SHROOM1: variants seen among roughly 807,000 people sequenced by gnomAD.
SHROOM1 encodes protein Shroom1.
In SHROOM1, 53 loss-of-function variants were observed where a neutral mutation model predicts 64.2. The ratio of observed to expected loss-of-function variants is 0.83; its 90% CI spans 0.66 to 1.04. The LOEUF (loss-of-function observed/expected upper bound fraction) is 1.04. Ranked by LOEUF, SHROOM1 falls within the 50% of genes least tolerant of loss-of-function variation. The pLI, the probability that SHROOM1 is intolerant of heterozygous loss-of-function variation, is 0.00. For missense variants in SHROOM1, 1,179 were observed against 1,163.2 expected (o/e 1.01, Z -0.20); for synonymous variants, 490 against 518.9 (o/e 0.94, Z 0.76).
intron 1 of SHROOM1, among the ~76,000 whole-genome samples, chr5:132,829,418 G>A (rs980974025): frequency 6.6e-6 from 1 of 152,184 alleles, no homozygotes; most frequent in Non-Finnish European, 1.5e-5. Context: ...GAGTTCAGCA[G>A]GGGAGGGTAG....
At position 132,823,591 on chromosome 5, in the gene SHROOM1, C is replaced by T. The variant is rs957959862; in HGVS notation, c.1953+32G>A. 1 of 1,568,634 alleles carries T rather than the reference C, an allele frequency of 6.4e-7. No individual in the cohort carries two copies. Among genetic ancestry groups the T allele is most frequent in the Non-Finnish European group, 8.7e-7 (1 of 1,154,440 alleles). ...TGCCCAGGCTCTGGGCTCCTACCCA[C>T]CCCCAGCCTCCACCAGCCCTTCTCC... On this transcript the variant is annotated intron_variant, in intron 8 of 9. Coordinates refer to ENST00000378679, the MANE Select transcript of SHROOM1 (RefSeq NM_001172700.2). This position sits in a 1 kb window ranked among gnomAD's most constrained non-coding sequence, Gnocchi z 4.6.
chr5:132,829,211 T>A (rs1427799311), intron 1 of SHROOM1, among the ~76,000 whole-genome samples: 1 of 152,220 alleles, frequency 6.6e-6, no homozygotes, highest in Non-Finnish European at 1.5e-5. Context: ...TGATGTATAC[T>A]TGTCACCTGA....
rs748737882 is a variant in SHROOM1 at position 132,823,633 on chromosome 5, T to C, written c.1943A>G (p.Gln648Arg). ...CCCTTCTCCACTCACTTTCTTGCCC[T>C]GGATGCTGTTGTTTGGTGCAGGGAG... is the stretch of plus-strand genomic sequence containing the variant. Reference protein sequence around the residue: ...QGLPAPNNSIQGKKVELAARL... With the variant: ...QGLPAPNNSIRGKKVELAARL... Residue 648 changes from glutamine (Q) to arginine (R), a missense_variant, in exon 8 of 10, where the codon CAG (glutamine) becomes CGG (arginine). Gln to Arg is a conservative substitution (Grantham distance 43, BLOSUM62 1). Transcript: ENST00000378679. This position sits in a 1 kb window ranked among gnomAD's most constrained non-coding sequence, Gnocchi z 4.6. 6.3e-7 allele frequency: 1 copy of C among 1,593,804 alleles called. No homozygotes were observed. The highest frequency in any genetic ancestry group is 2.2e-5 in the East Asian group (1 of 44,608).
Position 132,825,044 on chromosome 5 carries a change from T to A in SHROOM1, c.1008A>T (p.Arg336Ser). The part of the protein sequence containing the change: ...QAVPQGAETP[R>S]PLFQTKLSRF... ...TGGAAAGTTTGGTCTGAAACAATGG[T>A]CTGGGGGTTTCTGCTCCTTGGGGAA... The change falls in exon 5 of 10, where the codon AGA becomes AGT. Residue 336 changes from arginine to serine, a missense_variant. Physicochemically the swap from Arg to Ser is moderately radical, Grantham distance 110. Coordinates refer to ENST00000378679, the MANE Select transcript of SHROOM1 (RefSeq NM_001172700.2). The surrounding 1 kb of genome is among the most constrained non-coding windows in gnomAD (Gnocchi z 5.1). 6.2e-7 allele frequency: 1 copy of A among 1,614,030 alleles called. No homozygotes were observed. Among genetic ancestry groups the A allele is most frequent in the Non-Finnish European group, 8.5e-7 (1 of 1,180,000 alleles).
chr5:132,830,313 G>GCGCGCCCAGC lies in SHROOM1; in HGVS notation c.-501+271_-501+280dup. On this transcript the variant is annotated intron_variant, in intron 1 of 9. Transcript: ENST00000378679. This position sits in a 1 kb window ranked among gnomAD's most constrained non-coding sequence, Gnocchi z 5.9. ...GCGCTGCCCGCCGGCGCCACACGCG[G>GCGCGCCCAGC]CGCGCCCAGCCGCGCCCCTGAGCCG... 1.0e-6 allele frequency: 1 copy of GCGCGCCCAGC among 985,076 alleles called. No homozygotes were observed. The highest frequency in any genetic ancestry group is 1.2e-6 in the Non-Finnish European group (1 of 829,806). 61.0% of individuals were successfully genotyped at this position (985,076 alleles called of 1,614,324 possible). A position where few individuals can be genotyped will look rare whatever the true frequency, so the allele number is the denominator to read the frequency against.
At chr5:132,829,505 A>T (rs1758789274) in intron 1 of SHROOM1, 1 of 890,990 alleles carries the variant, frequency 1.1e-6, no homozygotes, top group Admixed American at 6.2e-5. Flanking sequence ...ATAAAATCAC[A>T]CCAAGGCAAT....
intron 3 of SHROOM1, 41 bp from the exon 4 acceptor site, chr5:132,826,223 G>T (rs981137434): frequency 5.8e-5 from 73 of 1,266,690 alleles, no homozygotes; most frequent in Non-Finnish European, 6.9e-5. Context: ...GGAGCTCCGG[G>T]TGAGGGCTGG....
rs1258647772 is a variant in SHROOM1, at chr5:132,824,290, C to G, written c.1371G>C (p.Val457=). The G allele has an allele frequency of 6.2e-7, 1 of 1,613,704 alleles. No homozygotes were observed. Among genetic ancestry groups the G allele is most frequent in the East Asian group, 2.2e-5 (1 of 44,884 alleles). The change falls in exon 7 of 10, where the codon GTG becomes GTC. Residue 457 remains valine (V), a synonymous_variant. Transcript: ENST00000378679. The part of the protein sequence containing the change: ...TAGADDCWQG[V]NGSVGISRPT... ...GCCTGGAAATACCTACAGAACCATT[C>G]ACCCCCTGCCAGCAGTCATCTGCCC...
At position 132,822,963 on chromosome 5, in the gene SHROOM1, C is replaced by T; in HGVS notation, c.2392G>A (p.Ala798Thr). The change falls in exon 10 of 10, where the codon GCC becomes ACC. Residue 798 changes from alanine (A) to threonine (T), a missense_variant. Coordinates refer to ENST00000378679, the MANE Select transcript of SHROOM1 (RefSeq NM_001172700.2). Reference protein sequence around the residue: ...VYCALLAGKAAVLAQQRNLDE... With the variant: ...VYCALLAGKATVLAQQRNLDE... ...AGGTTGCGCTGCTGGGCCAGGACGGCGGCCTTGCCCGCCAGCAGGGCGCAA... is the reference window on the plus strand; with the variant it reads ...AGGTTGCGCTGCTGGGCCAGGACGGTGGCCTTGCCCGCCAGCAGGGCGCAA... The T allele has an allele frequency of 4.3e-6, 7 of 1,610,402 alleles. No individual in the cohort carries two copies. The highest frequency in any genetic ancestry group is 5.9e-6 in the Non-Finnish European group (7 of 1,179,784).
In SHROOM1 at chr5:132,824,070, G is replaced by T. The variant is rs749779709; in HGVS notation, c.1591C>A (p.Pro531Thr). ...CTAGGCCATGTGGGCCTGGAACCAG[G>T]CTGGCCAGTGCCCCTGGCTAGGGCA... ...NTALARGTGQ[P>T]GSRPTWPSQC... Residue 531 changes from proline to threonine, a missense_variant, in exon 7 of 10, where the codon CCT (proline) becomes ACT (threonine). Coordinates refer to ENST00000378679, the MANE Select transcript of SHROOM1 (RefSeq NM_001172700.2). 3.1e-6 allele frequency: 5 copies of T among 1,612,980 alleles called. No homozygotes were observed. In the East Asian group the frequency reaches 6.7e-5, roughly 22 times the overall value.
Position 132,825,070 on chromosome 5 carries a change from C to G in SHROOM1, c.982G>C (p.Val328Leu). The G allele has an allele frequency of 6.2e-7, 1 of 1,614,096 alleles. No homozygotes were observed. Among genetic ancestry groups the G allele is most frequent in the Non-Finnish European group, 8.5e-7 (1 of 1,180,012 alleles). Residue 328 changes from valine to leucine, a missense_variant, in exon 5 of 10, where the codon GTT (valine) becomes CTT (leucine). By Grantham distance (32) the Val-to-Leu change is conservative. Coordinates refer to ENST00000378679, the MANE Select transcript of SHROOM1 (RefSeq NM_001172700.2). This position sits in a 1 kb window ranked among gnomAD's most constrained non-coding sequence, Gnocchi z 5.1. ...SGGTIPIVQA[V>L]PQGAETPRPL... ...CTGGGGGTTTCTGCTCCTTGGGGAACAGCCTGGAAGGGTGAACAGTCGACT... is the reference window on the plus strand; with the variant it reads ...CTGGGGGTTTCTGCTCCTTGGGGAAGAGCCTGGAAGGGTGAACAGTCGACT...
In SHROOM1 at chr5:132,826,022, G is replaced by T; in HGVS notation, c.119C>A (p.Ser40Tyr). Reference sequence around the variant, plus strand: ...CTGCGTGCGCGGCTCGGGGCCGCCGGAGGCTGCGGAGAAAGAGCTGTAGGC... The same window carrying T: ...CTGCGTGCGCGGCTCGGGGCCGCCGTAGGCTGCGGAGAAAGAGCTGTAGGC... ...DSAYSSFSAASGGPEPRTQSP... is the reference protein window; with the variant it reads ...DSAYSSFSAAYGGPEPRTQSP... The change falls in exon 4 of 10, where the codon TCC becomes TAC. Residue 40 changes from serine to tyrosine, a missense_variant. Ser to Tyr is a moderately radical substitution (Grantham distance 144, BLOSUM62 -2). Coordinates refer to ENST00000378679, the MANE Select transcript of SHROOM1 (RefSeq NM_001172700.2). 6.5e-7 allele frequency: 1 copy of T among 1,533,002 alleles called. No individual in the cohort carries two copies. Among genetic ancestry groups the T allele is most frequent in the East Asian group, 2.6e-5 (1 of 38,536 alleles). The allele number at this position is 1,533,002 out of a possible 1,614,324, so 95.0% of individuals were successfully genotyped here. A position where few individuals can be genotyped will look rare whatever the true frequency, so the allele number is the denominator to read the frequency against.
At chr5:132,829,951 T>A in intron 1 of SHROOM1, 1 of 985,392 alleles carries the variant, frequency 1.0e-6, no homozygotes, top group Non-Finnish European at 1.2e-6. Flanking sequence ...AGACCCGAGC[T>A]CCGTGCCATG....
At chr5:132,824,562 A>G in intron 6 of SHROOM1, 53 bp downstream of exon 6, 1 of 1,562,952 alleles carries the variant, frequency 6.4e-7, no homozygotes, top group South Asian at 1.2e-5. Context: ...AGCGTTTTGT[A>G]GATGTGTGTG....
In SHROOM1 at chr5:132,822,781, C is replaced by A; in HGVS notation, c.*15G>T. 6.4e-7 allele frequency: 1 copy of A among 1,571,208 alleles called. No individual in the cohort carries two copies. The highest frequency in any genetic ancestry group is 8.6e-7 in the Non-Finnish European group (1 of 1,158,154). Reference sequence around the variant, plus strand: ...GAGAGATAGGGGCGGTGCACCCCACCCTCTCCACCTATAACTATGTAAGGA... The same window carrying A: ...GAGAGATAGGGGCGGTGCACCCCACACTCTCCACCTATAACTATGTAAGGA... On this transcript the variant is annotated 3_prime_UTR_variant, in exon 10 of 10. Coordinates refer to ENST00000378679, the MANE Select transcript of SHROOM1 (RefSeq NM_001172700.2).
At chr5:132,826,844 G>A (rs1047243488) in intron 2 of SHROOM1, among the ~76,000 whole-genome samples, 14 of 152,222 alleles carry the variant, frequency 9.2e-5, no homozygotes, top group Non-Finnish European at 1.8e-4. Context: ...CGTGGCAGAA[G>A]CCTGCCTGGA....
In SHROOM1 at chr5:132,824,998, G is replaced by C. The variant is rs1488529016; in HGVS notation, c.1034+20C>G. ...AGCTGCTTCCCCCCAACTTGGTCCA[G>C]AGTGGTCCGTGTCTCTCACCTGGAA... On this transcript the variant is annotated intron_variant, in intron 5 of 9. Coordinates refer to ENST00000378679, the MANE Select transcript of SHROOM1 (RefSeq NM_001172700.2). The C allele has an allele frequency of 4.3e-6, 7 of 1,613,862 alleles. No homozygotes were observed. Among genetic ancestry groups the C allele is most frequent in the Admixed American group, 3.3e-5 (2 of 59,982 alleles).
chr5:132,825,086 A>G lies in SHROOM1; in HGVS notation c.979-13T>C. 6.2e-7 allele frequency: 1 copy of G among 1,614,028 alleles called. No homozygotes were observed. Among genetic ancestry groups the G allele is most frequent in the Non-Finnish European group, 8.5e-7 (1 of 1,180,004 alleles). On this transcript the variant is annotated splice_polypyrimidine_tract_variant and intron_variant, in intron 4 of 9. Transcript: ENST00000378679. The surrounding 1 kb of genome is among the most constrained non-coding windows in gnomAD (Gnocchi z 5.1). ...CTTGGGGAACAGCCTGGAAGGGTGA[A>G]CAGTCGACTGAAATGTGGCTCAAGT...
Position 132,824,588 on chromosome 5 carries a change from CGATGCTTG to C in SHROOM1, c.1241+19_1241+26del, listed in dbSNP as rs767587588. The stretch of plus-strand genomic sequence containing the variant: ...GATGTGTGTGTCAGGGGGTGCCTCA[CGATGCTTG>C]GAAGCAAGAGGGAATTACCTGGCTG... On this transcript the variant is annotated intron_variant, in intron 6 of 9. Transcript: ENST00000378679. 1 of 1,594,796 alleles carries C rather than the reference CGATGCTTG, an allele frequency of 6.3e-7. No individual in the cohort carries two copies. The highest frequency in any genetic ancestry group is 2.2e-5 in the East Asian group (1 of 44,546).
Sources: allele counts gnomAD v4.1 joint callset (sites outside exome capture counted in the v4.1 genomes callset), GRCh38; gene constraint gnomAD v4.1.1; non-coding constraint Gnocchi (gnomAD v3.1); transcripts MANE v1.5; gene names NCBI Gene and HGNC (gene_info 2026-07-23, HGNC 2026-07-21).